The following SHC3 variants were observed in gnomAD, a reference collection of about 807,000 sequenced individuals.
SHC3 encodes the protein SHC-transforming protein 3.
A neutral mutation model predicts 60.4 loss-of-function variants in SHC3; 15 were observed. That is an observed-to-expected ratio of 0.25 (90% CI 0.17 to 0.38). SHC3 has a LOEUF of 0.38. Among genes scored for constraint, SHC3 ranks in the 10% least tolerant of loss-of-function variants. SHC3 has a pLI of 1.00. For missense variants in SHC3, 677 were observed against 786.1 expected (o/e 0.86, Z 1.66); for synonymous variants, 294 against 325.9 (o/e 0.90, Z 1.05).
At chr9:89,149,800 A>G (rs1197308848) in intron 1 of SHC3, among the ~76,000 whole-genome samples, 1 of 152,180 alleles carries the variant, frequency 6.6e-6, no homozygotes, top group African/African-American at 2.4e-5. Context: ...CTGGGGTCCA[A>G]AAATATTAAT....
In SHC3 at chr9:89,042,078, C is replaced by A. The variant is rs34014626; in HGVS notation, c.1308G>T (p.Pro436=). The A allele has an allele frequency of 3.9e-5, 62 of 1,605,436 alleles. No homozygotes were observed. In the East Asian group the frequency reaches 1.3e-3, roughly 34 times the overall value. The change falls in exon 10 of 12, where the codon CCG becomes CCT. Residue 436 remains proline (P), a synonymous_variant. Coordinates refer to ENST00000375835, the MANE Select transcript of SHC3 (RefSeq NM_016848.6). The stretch of plus-strand genomic sequence containing the variant: ...TGCTCTCAGCACTGCTGACCGCAGC[C>A]GGCCAGGCCTGTGGTGGGATCTGCT... ...NTQQIPPQAW[P]AAVSSAESSP...
At chr9:89,133,425 G>A (rs1400104770) in intron 1 of SHC3, among the ~76,000 whole-genome samples, 2 of 152,148 alleles carry the variant, frequency 1.3e-5, no homozygotes, top group African/African-American at 4.8e-5. Flanking sequence ...ATACCCAAAG[G>A]ATTATAAATC....
Position 89,013,432 on chromosome 9 carries a change from G to C in SHC3, c.*15C>G, listed in dbSNP as rs770127366. 1 of 1,600,066 alleles carries C rather than the reference G, an allele frequency of 6.2e-7. No homozygotes were observed. Among genetic ancestry groups the C allele is most frequent in the South Asian group, 1.1e-5 (1 of 89,270 alleles). On this transcript the variant is annotated 3_prime_UTR_variant, in exon 12 of 12. Transcript: ENST00000375835. The stretch of plus-strand genomic sequence containing the variant: ...CCTGACCTGGTGCGCAGTGCTGGGA[G>C]CAGTGCTGGCCAGGTCACTGCTTCC...
chr9:89,137,658 C>T lies in SHC3; in HGVS notation c.475-25032G>A, dbSNP rs536356935. The stretch of plus-strand genomic sequence containing the variant: ...GAATGAGAAATATTAAAAGCAAAAA[C>T]GTCTAGGGGTGGAGACAGAGTTCCT... On this transcript the variant is annotated intron_variant, in intron 1 of 11. Coordinates refer to ENST00000375835, the MANE Select transcript of SHC3 (RefSeq NM_016848.6). 8.0e-4 allele frequency among the ~76,000 whole-genome samples: 122 copies of T among 152,206 alleles called. 1 individual carries two copies. The highest frequency in any genetic ancestry group is 2.6e-3 in the African/African-American group (108 of 41,550).
intron 1 of SHC3, among the ~76,000 whole-genome samples, chr9:89,119,919 T>G (rs1292351818): frequency 6.6e-6 from 1 of 152,182 alleles, no homozygotes; most frequent in East Asian, 1.9e-4. Flanking sequence ...AGAGCACACA[T>G]GTCCATGGGA....
rs1279341599 is a variant in SHC3 at position 89,101,870 on chromosome 9, C to T, written c.545+10686G>A. Among the ~76,000 whole-genome samples, 3 of 152,032 alleles carry T rather than the reference C, an allele frequency of 2.0e-5. No individual in the cohort carries two copies. The East Asian group carries it at 5.8e-4, about 29-fold the overall frequency. ...AAAATAAACTGGAAAGTGTTCCCTC[C>T]TATATTCTGGAAAAGATTGTGGAGA... On this transcript the variant is annotated intron_variant, in intron 2 of 11. Coordinates refer to ENST00000375835, the MANE Select transcript of SHC3 (RefSeq NM_016848.6).
At position 89,071,272 on chromosome 9, in the gene SHC3, A is replaced by G; in HGVS notation, c.730-20T>C. On this transcript the variant is annotated intron_variant, in intron 4 of 11. Coordinates refer to ENST00000375835, the MANE Select transcript of SHC3 (RefSeq NM_016848.6). ...TATGATCTGCCAGGCCCAAAACAAGAAACGAGATGTGCTGTTATCGCCCTT... is the reference window on the plus strand; with the variant it reads ...TATGATCTGCCAGGCCCAAAACAAGGAACGAGATGTGCTGTTATCGCCCTT... 6.2e-7 allele frequency: 1 copy of G among 1,614,024 alleles called. No individual in the cohort carries two copies. The highest frequency in any genetic ancestry group is 2.2e-5 in the East Asian group (1 of 44,886).
intron 6 of SHC3, among the ~76,000 whole-genome samples, chr9:89,058,582 GTGGTGGAGGATGGTGGTGTTAGGA>G: frequency 6.6e-6 from 1 of 151,048 alleles, no homozygotes; most frequent in Non-Finnish European, 1.5e-5. Flanking sequence ...GGTGGAGGAT[GTGGTGGAGGATGGTGGTGTTAGGA>G]CGTGGTGGAG....
rs199729118 is a variant in SHC3 at position 89,052,050 on chromosome 9, C to T, written c.949G>A (p.Ala317Thr). The stretch of plus-strand genomic sequence containing the variant: ...AGCACTACTCACCGATCATGGAGAG[C>T]GGGAATCTTGGTAGGACACTGTAAA... Reference protein sequence around the residue: ...QYLQCPTKIPALHDRMQSLDE... With the variant: ...QYLQCPTKIPTLHDRMQSLDE... The change falls in exon 7 of 12, where the codon GCT (alanine) becomes ACT (threonine). Residue 317 changes from alanine (A) to threonine (T), a missense_variant. Ala to Thr is a moderately conservative substitution (Grantham distance 58, BLOSUM62 0). Coordinates refer to ENST00000375835, the MANE Select transcript of SHC3 (RefSeq NM_016848.6). 55 of 1,613,610 alleles carry T rather than the reference C, an allele frequency of 3.4e-5. No homozygotes were observed. The highest frequency in any genetic ancestry group is 1.6e-4 in the Middle Eastern group (1 of 6,080).
At chr9:89,066,957 A>G (rs895158005) in intron 5 of SHC3, among the ~76,000 whole-genome samples, 3 of 152,144 alleles carry the variant, frequency 2.0e-5, no homozygotes, top group Non-Finnish European at 4.4e-5. Flanking sequence ...TGGATCTTAC[A>G]CAGCCCAACA....
intron 11 of SHC3, among the ~76,000 whole-genome samples, chr9:89,026,528 C>G (rs1426234228): frequency 6.6e-6 from 1 of 152,210 alleles, no homozygotes; most frequent in Non-Finnish European, 1.5e-5. Context: ...GTACATCTTA[C>G]ATGTACGGAT....
chr9:89,144,543 G>A (rs1009534479), intron 1 of SHC3, among the ~76,000 whole-genome samples: 1 of 152,288 alleles, frequency 6.6e-6, no homozygotes, highest in African/African-American at 2.4e-5. Context: ...CAGGATTTGA[G>A]CCCAGACTAC....
intron 2 of SHC3, among the ~76,000 whole-genome samples, chr9:89,102,805 G>A (rs1825802023): frequency 6.6e-6 from 1 of 152,216 alleles, no homozygotes; most frequent in Admixed American, 6.5e-5. Flanking sequence ...AAAACCCATT[G>A]ATGATGTTAA....
chr9:89,048,098 G>T (rs757077076), intron 7 of SHC3, among the ~76,000 whole-genome samples: 11 of 152,032 alleles, frequency 7.2e-5, no homozygotes, highest in Non-Finnish European at 1.6e-4. Context: ...ACAAAAATTA[G>T]CCAGGCGTGG....
intron 10 of SHC3, among the ~76,000 whole-genome samples, chr9:89,039,705 C>A (rs1824642806): frequency 6.6e-6 from 1 of 151,926 alleles, no homozygotes; most frequent in Non-Finnish European, 1.5e-5. Flanking sequence ...ATCATTGTCA[C>A]CACCATCACT....
chr9:89,111,582 G>GAA (rs201550869), intron 2 of SHC3, among the ~76,000 whole-genome samples: 1 of 134,440 alleles, frequency 7.4e-6, no homozygotes. Context: ...TTAGGAAAGA[G>GAA]AAAAAAAAAA....
At chr9:89,167,516 C>G (rs961449944) in intron 1 of SHC3, among the ~76,000 whole-genome samples, 1 of 152,174 alleles carries the variant, frequency 6.6e-6, no homozygotes, top group Non-Finnish European at 1.5e-5. Flanking sequence ...ATGTGGGAAG[C>G]AGGAGGGAAT....
At chr9:89,152,273 G>A (rs1047873806) in intron 1 of SHC3, among the ~76,000 whole-genome samples, 1 of 152,172 alleles carries the variant, frequency 6.6e-6, no homozygotes, top group Non-Finnish European at 1.5e-5. Flanking sequence ...GAATCCTATG[G>A]GTTGTTCTTC....
intron 9 of SHC3, among the ~76,000 whole-genome samples, chr9:89,042,477 G>C (rs763757957): frequency 7.2e-5 from 11 of 152,192 alleles, no homozygotes; most frequent in Non-Finnish European, 1.6e-4. Context: ...CCCCAAGACC[G>C]CAGGAGCCTG....
Sources: gnomAD v4.1 joint callset for allele counts (sites outside exome capture counted in the v4.1 genomes callset) on GRCh38, gnomAD v4.1.1 for gene constraint, MANE v1.5 for transcripts, NCBI Gene and HGNC (gene_info 2026-07-23, HGNC 2026-07-21) for gene names.